The following LMF1 variants were observed in gnomAD, a reference collection of about 807,000 sequenced individuals.
LMF1 encodes lipase maturation factor 1.
LMF1 carries 68 observed loss-of-function variants against 60.6 expected under a neutral mutation model. The observed-to-expected ratio is 1.12, with a 90% CI of 0.92 to 1.37. The LOEUF (loss-of-function observed/expected upper bound fraction) is 1.37, where lower values mean the gene tolerates loss of function less well. Among genes scored for constraint, LMF1 ranks in the 40% most tolerant of loss-of-function variants. The probability of loss-of-function intolerance (pLI) is 0.00; values close to 1 mark genes in which losing one functional copy is unlikely to be tolerated. For synonymous variants in LMF1, 418 were observed against 324.7 expected, an observed-to-expected ratio of 1.29 and a Z score of -3.09; for missense variants, 948 against 767.2, an observed-to-expected ratio of 1.24 and a Z score of -2.78.
At chr16:889,077 C>G (rs1226366777) in intron 5 of LMF1, among the ~76,000 whole-genome samples, 2 of 152,232 alleles carry the variant, frequency 1.3e-5, no homozygotes, top group Non-Finnish European at 2.9e-5. Flanking sequence ...GGGGTCTGCA[C>G]TCACCCTGGG....
intron 4 of LMF1, chr16:903,110 T>G (rs1404914479): frequency 3.2e-4 from 9 of 28,550 alleles, no homozygotes; most frequent in African/African-American, 9.1e-4. Flanking sequence ...CCCACAGGAC[T>G]CCTGTCTCTG....
intron 10 of LMF1, among the ~76,000 whole-genome samples, chr16:860,223 G>T (rs2069417877): frequency 6.6e-6 from 1 of 151,728 alleles, no homozygotes; most frequent in African/African-American, 2.4e-5. Context: ...GTCTTTTTAT[G>T]GAGCAAATGC....
At chr16:871,045 A>G in intron 7 of LMF1, 116 bp downstream of exon 7, 1 of 1,395,334 alleles carries the variant, frequency 7.2e-7, no homozygotes. Flanking sequence ...TACACTGCGG[A>G]CGGCGCTGAC....
At chr16:926,573 G>A (rs117191365) in intron 3 of LMF1, among the ~76,000 whole-genome samples, 1,873 of 152,362 alleles carry the variant, frequency 0.012, 25 homozygotes, top group South Asian at 0.098. Context: ...AGGTTAACAC[G>A]GGGTGGATGT....
intron 3 of LMF1, among the ~76,000 whole-genome samples, chr16:914,777 TCCC>T: frequency 9.9e-5 from 1 of 10,136 alleles, no homozygotes; most frequent in Non-Finnish European, 1.8e-4. Flanking sequence ...CTCCCTCCCT[TCCC>T]ATGACCACTG....
chr16:944,402 T>C (rs2072185886), intron 2 of LMF1, among the ~76,000 whole-genome samples: 1 of 152,258 alleles, frequency 6.6e-6, no homozygotes, highest in Non-Finnish European at 1.5e-5. Flanking sequence ...TTTACTCTAA[T>C]GCCTTGCCGC....
chr16:858,832 A>T (rs369114736), intron 10 of LMF1, among the ~76,000 whole-genome samples: 464 of 7,718 alleles, frequency 0.06, no homozygotes, highest in African/African-American at 0.1. Context: ...GAGTGGTGTC[A>T]CGGGACGGGT....
chr16:920,033 G>A (rs559063988), intron 3 of LMF1, among the ~76,000 whole-genome samples: 23 of 150,156 alleles, frequency 1.5e-4, no homozygotes, highest in Non-Finnish European at 3.1e-4. Context: ...CATCTGCACC[G>A]GCCCTGGCCC....
chr16:912,478 T>C (rs1315624488), intron 3 of LMF1, among the ~76,000 whole-genome samples: 2 of 152,146 alleles, frequency 1.3e-5, no homozygotes, highest in East Asian at 3.9e-4. Context: ...AAGTACAAAA[T>C]AAACGCCTGC....
chr16:855,604 C>A (rs60093494), intron 10 of LMF1: 7,216 of 427,944 alleles, frequency 0.017, 242 homozygotes, highest in African/African-American at 0.087. Flanking sequence ...GGCCCCTTCG[C>A]AGTTGTGCAG....
In LMF1 at chr16:962,540, G is replaced by C. The variant is rs960516311; in HGVS notation, c.194-7874C>G. On this transcript the variant is annotated intron_variant, in intron 1 of 10. Transcript: ENST00000262301. The surrounding 1 kb of genome is among the most constrained non-coding windows in gnomAD (Gnocchi z 4.5). Reference sequence around the variant, plus strand: ...GGACGTCAGGACCCTGATACGGTGTGACGGGAAGGGCCCCGCACCTCTGTG... The same window carrying C: ...GGACGTCAGGACCCTGATACGGTGTCACGGGAAGGGCCCCGCACCTCTGTG... Among the ~76,000 whole-genome samples the C allele has an allele frequency of 5.9e-5, 9 of 152,196 alleles. No homozygotes were observed. Among genetic ancestry groups the C allele is most frequent in the Non-Finnish European group, 1.2e-4 (8 of 68,042 alleles).
intron 3 of LMF1, among the ~76,000 whole-genome samples, chr16:930,671 C>T (rs1269893523): frequency 2.6e-5 from 4 of 152,226 alleles, no homozygotes; most frequent in Non-Finnish European, 2.9e-5. Context: ...TAAGAGCAGC[C>T]GTGTGTATTT....
chr16:864,221 A>C (rs1036936964), intron 10 of LMF1, among the ~76,000 whole-genome samples: 2 of 152,226 alleles, frequency 1.3e-5, no homozygotes, highest in Non-Finnish European at 2.9e-5. Flanking sequence ...ACTGAGGTCT[A>C]CTTTGAGGTT....
intron 1 of LMF1, chr16:976,404 C>T: frequency 2.2e-6 from 1 of 454,110 alleles, no homozygotes; most frequent in South Asian, 1.6e-5. Flanking sequence ...AGCTGTACTG[C>T]AGGGTTAGGG....
intron 5 of LMF1, 70 bp from the exon 6 acceptor site, chr16:879,807 G>A: frequency 6.8e-7 from 1 of 1,462,426 alleles, no homozygotes; most frequent in South Asian, 1.3e-5. Context: ...GAGGCTTGTG[G>A]GTCCCTGGCC....
chr16:934,408 G>A (rs920170301), intron 2 of LMF1, 154 bp from the exon 3 acceptor site: 80 of 873,470 alleles, frequency 9.2e-5, no homozygotes, highest in Middle Eastern at 2.2e-4. Flanking sequence ...GGCATTAGGG[G>A]AACAGGAGCC....
At chr16:879,815 G>A in intron 5 of LMF1, 78 bp from the exon 6 acceptor site, 1 of 1,417,492 alleles carries the variant, frequency 7.1e-7, no homozygotes, top group African/African-American at 1.4e-5. Context: ...TGGGTCCCTG[G>A]CCCCCTGACC....
chr16:861,274 A>G (rs2069456071), intron 10 of LMF1, among the ~76,000 whole-genome samples: 3 of 151,144 alleles, frequency 2.0e-5, no homozygotes, highest in Admixed American at 1.3e-4. Flanking sequence ...GTTCATTGCT[A>G]GCGTACAGGA....
chr16:859,193 G>A (rs1344121149), intron 10 of LMF1, among the ~76,000 whole-genome samples: 28 of 133,586 alleles, frequency 2.1e-4, no homozygotes, highest in Admixed American at 4.2e-4. Context: ...GTCTCGGGAC[G>A]GGTGTGAGTG....
Sources: gnomAD v4.1 joint callset for allele counts (sites outside exome capture counted in the v4.1 genomes callset) on GRCh38, gnomAD v4.1.1 for gene constraint, Gnocchi (gnomAD v3.1) non-coding constraint, MANE v1.5 for transcripts, NCBI Gene and HGNC (gene_info 2026-07-23, HGNC 2026-07-21) for gene names.